DMWD: variants seen among roughly 807,000 people sequenced by gnomAD.
The protein encoded by DMWD is DM1 locus, WD repeat containing.
Under a neutral mutation model 45.8 loss-of-function variants are expected in DMWD, and 19 were observed. The observed-to-expected ratio is 0.41, with a 90% confidence interval of 0.29 to 0.61. The LOEUF is 0.61. Among genes scored for constraint, DMWD ranks in the 20% least tolerant of loss-of-function variants. The probability of loss-of-function intolerance (pLI) is 0.25; values close to 1 mark genes in which losing one functional copy is unlikely to be tolerated. For synonymous variants in DMWD, 515 were observed against 440.5 expected, an observed-to-expected ratio of 1.17 and a Z score of -2.12; for missense variants, 802 against 965.2, an observed-to-expected ratio of 0.83 and a Z score of 2.24.
intron 2 of DMWD, among the ~76,000 whole-genome samples, chr19:45,787,871 G>A (rs1275732936): frequency 6.6e-6 from 1 of 152,092 alleles, no homozygotes; most frequent in African/African-American, 2.4e-5. Context: ...TTCCAGACCA[G>A]CCTAGCCAAT....
At position 45,786,869 on chromosome 19, in the gene DMWD, C is replaced by T; in HGVS notation, c.627G>A (p.Arg209=). 6.2e-7 allele frequency: 1 copy of T among 1,613,042 alleles called. No homozygotes were observed. The highest frequency in any genetic ancestry group is 8.5e-7 in the Non-Finnish European group (1 of 1,179,618). Residue 209 remains arginine (R), a splice_region_variant and synonymous_variant, in exon 3 of 5, where the codon CGG becomes CGA. Transcript: ENST00000270223. The part of the protein sequence containing the change: ...KDTSKLFNEE[R]LIDKTKVTYL... Reference sequence around the variant, plus strand: ...ATGTCACCTTGGTCTTGTCGATCAACCGCTGCCAGGGGAGACAGTGTGGGG... The same window carrying T: ...ATGTCACCTTGGTCTTGTCGATCAATCGCTGCCAGGGGAGACAGTGTGGGG...
Position 45,784,074 on chromosome 19 carries a change from C to T in DMWD, c.*169G>A, listed in dbSNP as rs895946313. 6.0e-6 allele frequency: 4 copies of T among 669,340 alleles called. No homozygotes were observed. The highest frequency in any genetic ancestry group is 2.7e-5 in the East Asian group (1 of 36,562). The allele number at this position is 669,340 out of a possible 1,614,324, so 41.5% of individuals were successfully genotyped here. A position where few individuals can be genotyped will look rare whatever the true frequency, so the allele number is the denominator to read the frequency against. ...AGGCCACAAGGGCTATTACATCGCCCGTGTCCGGGCCAGTCTGGGGGGCCC... is the reference window on the plus strand; with the variant it reads ...AGGCCACAAGGGCTATTACATCGCCTGTGTCCGGGCCAGTCTGGGGGGCCC... On this transcript the variant is annotated 3_prime_UTR_variant, in exon 5 of 5. Coordinates refer to ENST00000270223, the MANE Select transcript of DMWD (RefSeq NM_004943.2).
intron 3 of DMWD, chr19:45,785,242 C>T (rs568937571): frequency 5.7e-6 from 6 of 1,059,370 alleles, no homozygotes; most frequent in South Asian, 4.5e-5. Context: ...AAAAGTTTCA[C>T]GATTTAAAAA....
Position 45,792,393 on chromosome 19 carries a change from C to T in DMWD, c.364G>A (p.Gly122Arg), listed in dbSNP as rs751856273. The stretch of plus-strand genomic sequence containing the variant: ...AAGTTGAAGCAGACGCGGTCTCCCC[C>T]CGAGCCCAGCCCCGCGGGCGTGGCG... ...PPATPAGLGS[G>R]GDRVCFNLGR... The change falls in exon 1 of 5, where the codon GGG becomes AGG. Residue 122 changes from glycine (G) to arginine (R), a missense_variant. Coordinates refer to ENST00000270223, the MANE Select transcript of DMWD (RefSeq NM_004943.2). The T allele has an allele frequency of 1.9e-6, 3 of 1,602,024 alleles. No homozygotes were observed. Among genetic ancestry groups the T allele is most frequent in the South Asian group, 1.1e-5 (1 of 89,998 alleles).
Position 45,786,756 on chromosome 19 carries a change from C to G in DMWD, c.740G>C (p.Cys247Ser). The change falls in exon 3 of 5, where the codon TGC (cysteine) becomes TCC (serine). Residue 247 changes from cysteine (C) to serine (S), a missense_variant. Physicochemically the swap from Cys to Ser is moderately radical, Grantham distance 112. Coordinates refer to ENST00000270223, the MANE Select transcript of DMWD (RefSeq NM_004943.2). The part of the protein sequence containing the change: ...HLYLYNVSHP[C>S]ASAPPQYSLL... ...GCTGTACTGGGGCGGGGCCGAGGCGCAGGGGTGGCTGACGTTGTACAGGTA... is the reference window on the plus strand; with the variant it reads ...GCTGTACTGGGGCGGGGCCGAGGCGGAGGGGTGGCTGACGTTGTACAGGTA... The G allele has an allele frequency of 6.2e-7, 1 of 1,614,160 alleles. No individual in the cohort carries two copies. The highest frequency in any genetic ancestry group is 8.5e-7 in the Non-Finnish European group (1 of 1,180,028).
intron 1 of DMWD, 115 bp downstream of exon 1, chr19:45,792,201 C>A: frequency 7.1e-7 from 1 of 1,407,570 alleles, no homozygotes; most frequent in Non-Finnish European, 9.3e-7. Flanking sequence ...CTACAACGTC[C>A]ATCACATTTA....
chr19:45,791,194 A>T, intron 1 of DMWD, 107 bp from the exon 2 acceptor site: 1 of 1,213,772 alleles, frequency 8.2e-7, no homozygotes, highest in South Asian at 1.5e-5. Context: ...TAGAACCCAG[A>T]GGGAAGTGGG....
chr19:45,789,176 C>T (rs1970322072), intron 2 of DMWD: 1 of 152,204 alleles, frequency 6.6e-6, no homozygotes, highest in African/African-American at 2.4e-5. Context: ...AAGGGCAGGG[C>T]CTCCTGTCCA....
intron 1 of DMWD, among the ~76,000 whole-genome samples, 186 bp downstream of exon 1, chr19:45,792,130 C>A (rs1167488660): frequency 6.6e-6 from 1 of 152,152 alleles, no homozygotes; most frequent in Non-Finnish European, 1.5e-5. Flanking sequence ...GATGCCTGCC[C>A]AGCACCCCGC....
In DMWD at chr19:45,791,043, G is replaced by A. The variant is rs781198854; in HGVS notation, c.486C>T (p.Gly162=). 2 of 1,613,178 alleles carry A rather than the reference G, an allele frequency of 1.2e-6. No individual in the cohort carries two copies. Among genetic ancestry groups the A allele is most frequent in the African/African-American group, 2.7e-5 (2 of 74,840 alleles). The part of the protein sequence containing the change: ...NKPIDKRIYK[G]TQPTCHDFNQ... ...TGAAATCGTGGCAGGTGGGCTGGGT[G>A]CCCTTGTAGATCCGCTTGTCAATTG... Residue 162 remains glycine, a synonymous_variant, in exon 2 of 5, where the codon GGC becomes GGT. Transcript: ENST00000270223.
chr19:45,790,692 C>G, intron 2 of DMWD: 1 of 435,774 alleles, frequency 2.3e-6, no homozygotes, highest in Non-Finnish European at 4.0e-6. Context: ...GAAAGAAAAC[C>G]CAAGGAGTAA....
Position 45,792,630 on chromosome 19 carries a change from G to A in DMWD, c.127C>T (p.Arg43Cys). Residue 43 changes from arginine to cysteine, a missense_variant, in exon 1 of 5, where the codon CGC (arginine) becomes TGC (cysteine). Physicochemically the swap from Arg to Cys is radical, Grantham distance 180. Coordinates refer to ENST00000270223, the MANE Select transcript of DMWD (RefSeq NM_004943.2). Reference protein sequence around the residue: ...YKLLPGDGAARRSGPASAQTP... With the variant: ...YKLLPGDGAACRSGPASAQTP... The stretch of plus-strand genomic sequence containing the variant: ...TGGGCGGAAGCCGGACCCGACCTGC[G>A]AGCGGCGCCGTCGCCCGGGAGTAGC... 2 of 1,334,184 alleles carry A rather than the reference G, an allele frequency of 1.5e-6. No homozygotes were observed. The highest frequency in any genetic ancestry group is 1.6e-5 in the South Asian group (1 of 63,922). 82.6% of individuals were successfully genotyped at this position (1,334,184 alleles called of 1,614,324 possible).
Position 45,785,643 on chromosome 19 carries a change from GTGA to G in DMWD, c.1850_1852del (p.Ile617del). On this transcript the variant is annotated inframe_deletion, in exon 3 of 5. Coordinates refer to ENST00000270223, the MANE Select transcript of DMWD (RefSeq NM_004943.2). ...GCAGATGAGGCCCTCCTGGCAGGCAGTGATGATGCAGTCCTCCAGGAACAGGAG... is the reference window on the plus strand; with the variant it reads ...GCAGATGAGGCCCTCCTGGCAGGCAGTGATGCAGTCCTCCAGGAACAGGAG... 6.5e-7 allele frequency: 1 copy of G among 1,548,772 alleles called. No homozygotes were observed. Among genetic ancestry groups the G allele is most frequent in the Non-Finnish European group, 8.8e-7 (1 of 1,142,012 alleles).
In DMWD at chr19:45,792,576, G is replaced by A. The variant is rs1391761218; in HGVS notation, c.181C>T (p.Pro61Ser). ...QTPVPPQPPQ[P>S]PPGPASASGP... is the part of the protein sequence containing the mutation. The stretch of plus-strand genomic sequence containing the variant: ...GAGGCGGAGGCAGGGCCGGGCGGGG[G>A]CTGCGGTGGCTGAGGCGGCACCGGA... The change falls in exon 1 of 5, where the codon CCC (proline) becomes TCC (serine). Residue 61 changes from proline (P) to serine (S), a missense_variant. Pro to Ser is a moderately conservative substitution (Grantham distance 74). Transcript: ENST00000270223. 1.6e-6 allele frequency: 2 copies of A among 1,277,386 alleles called. No individual in the cohort carries two copies. Among genetic ancestry groups the A allele is most frequent in the Non-Finnish European group, 1.0e-6 (1 of 996,410 alleles). 79.1% of individuals were successfully genotyped at this position (1,277,386 alleles called of 1,614,324 possible).
chr19:45,791,944 C>T (rs1303111971), intron 1 of DMWD, among the ~76,000 whole-genome samples: 1 of 152,154 alleles, frequency 6.6e-6, no homozygotes, highest in East Asian at 1.9e-4. Context: ...ATACTGGGTT[C>T]TCCATCACCT....
chr19:45,790,862 G>A, intron 2 of DMWD, 43 bp downstream of exon 2: 1 of 1,571,464 alleles, frequency 6.4e-7, no homozygotes, highest in South Asian at 1.2e-5. Context: ...TAGTGGGTAG[G>A]TGAGAAGGCA....
intron 2 of DMWD, chr19:45,787,096 C>G: frequency 1.3e-6 from 1 of 768,022 alleles, no homozygotes; most frequent in Non-Finnish European, 2.0e-6. Context: ...AAGGTGGCCA[C>G]AGGGTGCTCC....
At position 45,784,624 on chromosome 19, in the gene DMWD, C is replaced by T. The variant is rs751365364; in HGVS notation, c.1977+17G>A. 6.2e-7 allele frequency: 1 copy of T among 1,614,026 alleles called. No individual in the cohort carries two copies. The highest frequency in any genetic ancestry group is 1.7e-5 in the Admixed American group (1 of 59,996). Reference sequence around the variant, plus strand: ...GGACCCTGAGGTGCTGGGGAAAGAACTCAGGGACAGTCCTACCTCTACCAC... The same window carrying T: ...GGACCCTGAGGTGCTGGGGAAAGAATTCAGGGACAGTCCTACCTCTACCAC... On this transcript the variant is annotated intron_variant, in intron 4 of 4. Coordinates refer to ENST00000270223, the MANE Select transcript of DMWD (RefSeq NM_004943.2).
At position 45,786,548 on chromosome 19, in the gene DMWD, C is replaced by G. The variant is rs779025445; in HGVS notation, c.948G>C (p.Met316Ile). 6.2e-7 allele frequency: 1 copy of G among 1,614,106 alleles called. No individual in the cohort carries two copies. Among genetic ancestry groups the G allele is most frequent in the Non-Finnish European group, 8.5e-7 (1 of 1,179,990 alleles). ...GCLRVFHFDS[M>I]LLRGLMKSYF... ...AGCTCTTCATGAGCCCACGCAGGAG[C>G]ATGGAGTCGAAGTGGAAGACGCGCA... Residue 316 changes from methionine to isoleucine, a missense_variant, in exon 3 of 5, where the codon ATG (methionine) becomes ATC (isoleucine). This residue lies in a region of DMWD where 146 missense variants were observed against 212.8 expected (regional missense o/e 0.69). Transcript: ENST00000270223.
Sources: gnomAD v4.1 joint callset for allele counts (sites outside exome capture counted in the v4.1 genomes callset) on GRCh38, gnomAD v4.1.1 for gene constraint, gnomAD v4.1.1 regional missense constraint, MANE v1.5 for transcripts, NCBI Gene and HGNC (gene_info 2026-07-23, HGNC 2026-07-21) for gene names.